Variants in INTS3 observed in about 807,000 individuals in gnomAD.
The protein encoded by INTS3 is integrator complex subunit 3.
INTS3 carries 34 observed loss-of-function variants against 146.3 expected under a neutral mutation model. The observed-to-expected ratio is 0.23, with a 90% CI of 0.18 to 0.31. INTS3 has a LOEUF of 0.31. INTS3 is among the 10% of genes least tolerant of loss of function. The pLI, the probability that INTS3 is intolerant of heterozygous loss-of-function variation, is 1.00. For synonymous variants in INTS3, 475 were observed against 494.9 expected (o/e 0.96, Z 0.53); for missense variants, 757 against 1,304.2 (o/e 0.58, Z 6.46).
At chr1:153,744,129 C>T (rs140731593) in intron 3 of INTS3, among the ~76,000 whole-genome samples, 7 of 151,324 alleles carry the variant, frequency 4.6e-5, no homozygotes, top group Non-Finnish European at 8.8e-5. Context: ...ACACAGAGGT[C>T]GGTAACACAA....
At chr1:153,764,823 C>CG (rs1672515622) in intron 19 of INTS3, 89 bp downstream of exon 19, 1 of 1,527,882 alleles carries the variant, frequency 6.5e-7, no homozygotes, top group South Asian at 1.1e-5. Flanking sequence ...TAATGGGACT[C>CG]GCTTTCCAGG....
Position 153,773,613 on chromosome 1 carries a change from T to C in INTS3, c.*343T>C. The C allele has an allele frequency of 2.5e-6, 1 of 393,298 alleles. No individual in the cohort carries two copies. Among genetic ancestry groups the C allele is most frequent in the African/African-American group, 2.0e-5 (1 of 50,064 alleles). The allele number at this position is 393,298 out of a possible 1,614,324, so 24.4% of individuals were successfully genotyped here. The stretch of plus-strand genomic sequence containing the variant: ...CTCCCCCAGTCTCCCAAAGAGCCAT[T>C]TCAACAGAGAAGGGAAATGACAAAG... On this transcript the variant is annotated 3_prime_UTR_variant, in exon 30 of 30. Transcript: ENST00000318967.
In INTS3 at chr1:153,757,908, C is replaced by T. The variant is rs908163798; in HGVS notation, c.1149+145C>T. The T allele has an allele frequency of 1.7e-6, 1 of 599,270 alleles. No homozygotes were observed. The highest frequency in any genetic ancestry group is 2.9e-6 in the Non-Finnish European group (1 of 340,864). 37.1% of individuals were successfully genotyped at this position (599,270 alleles called of 1,614,324 possible). A position where few individuals can be genotyped will look rare whatever the true frequency, so the allele number is the denominator to read the frequency against. ...TTCCAGAGTGTCTCAGCCTTCACTT[C>T]CCTTTGTGTCTCTAGAAATTTACTT... On this transcript the variant is annotated intron_variant, in intron 10 of 29. Coordinates refer to ENST00000318967, the MANE Select transcript of INTS3 (RefSeq NM_023015.5). The surrounding 1 kb of genome is among the most constrained non-coding windows in gnomAD (Gnocchi z 4.0).
chr1:153,760,704 C>A, intron 12 of INTS3, 123 bp from the exon 13 acceptor site: 1 of 799,772 alleles, frequency 1.3e-6, no homozygotes, highest in Non-Finnish European at 2.2e-6. Context: ...AAGTCCAGTT[C>A]TCTCTGCAGC....
chr1:153,773,139 C>T (rs375453570), intron 29 of INTS3, 54 bp from the exon 30 acceptor site: 45 of 1,613,296 alleles, frequency 2.8e-5, no homozygotes, highest in East Asian at 2.5e-4. Flanking sequence ...GTGGAGTCGG[C>T]GCCAGCAGCT....
chr1:153,766,207 C>T (rs562098759), intron 20 of INTS3, among the ~76,000 whole-genome samples: 4 of 150,542 alleles, frequency 2.7e-5, no homozygotes, highest in Non-Finnish European at 5.9e-5. Flanking sequence ...CTGCAACCTC[C>T]GCTTCCCAGG....
At chr1:153,751,623 A>C (rs1570856934) in intron 7 of INTS3, among the ~76,000 whole-genome samples, 1 of 152,202 alleles carries the variant, frequency 6.6e-6, no homozygotes, top group South Asian at 2.1e-4. Flanking sequence ...GGCAATTAAA[A>C]ATTTTTTTTA....
chr1:153,741,173 T>A, intron 2 of INTS3, 112 bp from the exon 3 acceptor site: 1 of 780,054 alleles, frequency 1.3e-6, no homozygotes, highest in Admixed American at 2.1e-5. Context: ...TAAAAGTTGA[T>A]TATTCTCCTT....
At chr1:153,754,543 C>T in intron 8 of INTS3, 99 bp from the exon 9 acceptor site, 1 of 835,190 alleles carries the variant, frequency 1.2e-6, no homozygotes, top group Non-Finnish European at 2.1e-6. Flanking sequence ...GTGAGCAAGA[C>T]TACTGGCCAT....
rs751520927 is a variant in INTS3 at position 153,760,302 on chromosome 1, A to G, written c.1238-9A>G. On this transcript the variant is annotated splice_polypyrimidine_tract_variant and intron_variant, in intron 11 of 29. Coordinates refer to ENST00000318967, the MANE Select transcript of INTS3 (RefSeq NM_023015.5). ...GATGTGAGGGGCTCTTTAATTTCACATCCTCCAGAACCAGCCATCCTGGTC... is the reference window on the plus strand; with the variant it reads ...GATGTGAGGGGCTCTTTAATTTCACGTCCTCCAGAACCAGCCATCCTGGTC... 12 of 1,603,606 alleles carry G rather than the reference A, an allele frequency of 7.5e-6. No individual in the cohort carries two copies. In the East Asian group the frequency reaches 2.2e-4, roughly 30 times the overall value.
intron 16 of INTS3, 140 bp from the exon 17 acceptor site, chr1:153,763,692 C>G: frequency 5.2e-6 from 4 of 764,926 alleles, no homozygotes; most frequent in Non-Finnish European, 8.7e-6. Context: ...AAAGCCTCCC[C>G]ATCCAAGCTG....
Position 153,773,105 on chromosome 1 carries a change from G to A in INTS3, c.3051+24G>A, listed in dbSNP as rs757428169. On this transcript the variant is annotated intron_variant, in intron 29 of 29. Coordinates refer to ENST00000318967, the MANE Select transcript of INTS3 (RefSeq NM_023015.5). ...CAGTGAGAACCCAGCCAGTGCACAGGGGGAAAAGGAGCACTGGGTGCAGGT... is the reference window on the plus strand; with the variant it reads ...CAGTGAGAACCCAGCCAGTGCACAGAGGGAAAAGGAGCACTGGGTGCAGGT... 22 of 1,613,988 alleles carry A rather than the reference G, an allele frequency of 1.4e-5. 1 individual carries two copies. In the South Asian group the frequency reaches 1.9e-4, roughly 14 times the overall value.
In INTS3 at chr1:153,732,544, C is replaced by T. The variant is rs1376065559; in HGVS notation, c.150+3760C>T. ...AACTGAAACCTCTGCCTCCTGTGTT[C>T]AAGCGATTCTCCTGCGTCAGCCTCC... On this transcript the variant is annotated intron_variant, in intron 1 of 29. Coordinates refer to ENST00000318967, the MANE Select transcript of INTS3 (RefSeq NM_023015.5). Among the ~76,000 whole-genome samples the T allele has an allele frequency of 2.0e-5, 3 of 151,668 alleles. No individual in the cohort carries two copies. The East Asian group carries it at 5.8e-4, about 29-fold the overall frequency.
rs558833992 is a variant in INTS3, at chr1:153,760,442, T to C, written c.1317+52T>C. 4 of 1,450,646 alleles carry C rather than the reference T, an allele frequency of 2.8e-6. No individual in the cohort carries two copies. The South Asian group carries it at 3.4e-5, about 12-fold the overall frequency. 89.9% of individuals were successfully genotyped at this position (1,450,646 alleles called of 1,614,324 possible). A position where few individuals can be genotyped will look rare whatever the true frequency, so the allele number is the denominator to read the frequency against. On this transcript the variant is annotated intron_variant, in intron 12 of 29. Coordinates refer to ENST00000318967, the MANE Select transcript of INTS3 (RefSeq NM_023015.5). ...CCATGCCTGGATGAGCAGAATTCAGTGTATCTCCCCTAATCTCCCAGTGAA... is the reference window on the plus strand; with the variant it reads ...CCATGCCTGGATGAGCAGAATTCAGCGTATCTCCCCTAATCTCCCAGTGAA...
chr1:153,773,123 G>A (rs1672977552), intron 29 of INTS3, 42 bp downstream of exon 29: 1 of 1,613,742 alleles, frequency 6.2e-7, no homozygotes, highest in South Asian at 1.1e-5. Context: ...GGAGCACTGG[G>A]TGCAGGTGGA....
intron 1 of INTS3, among the ~76,000 whole-genome samples, chr1:153,738,195 C>T (rs1671373808): frequency 6.6e-6 from 1 of 152,134 alleles, no homozygotes; most frequent in South Asian, 2.1e-4. Flanking sequence ...CCCTCCTGGG[C>T]TCAAGTGATC....
chr1:153,756,297 A>G (rs1185595062), intron 9 of INTS3, among the ~76,000 whole-genome samples: 4 of 151,604 alleles, frequency 2.6e-5, no homozygotes, highest in Admixed American at 1.3e-4. Flanking sequence ...CGCAGGAGGC[A>G]GAGGTTACAG....
intron 8 of INTS3, chr1:153,753,613 C>T (rs550806228): frequency 6.6e-6 from 1 of 150,872 alleles, no homozygotes; most frequent in African/African-American, 2.4e-5. Context: ...GTAATTTGCC[C>T]AAGGCTGTAC....
At chr1:153,752,000 A>G in intron 7 of INTS3, 1 of 414,470 alleles carries the variant, frequency 2.4e-6, no homozygotes, top group South Asian at 2.7e-5. Context: ...AACTGGATTG[A>G]AACAGTTCTG....
Sources: gnomAD v4.1 joint callset for allele counts (sites outside exome capture counted in the v4.1 genomes callset) on GRCh38, gnomAD v4.1.1 for gene constraint, Gnocchi (gnomAD v3.1) non-coding constraint, MANE v1.5 for transcripts, NCBI Gene and HGNC (gene_info 2026-07-23, HGNC 2026-07-21) for gene names.